EXOC2: variants seen among roughly 807,000 people sequenced by gnomAD.
EXOC2 encodes the protein exocyst complex component 2.
EXOC2 carries 70 observed loss-of-function variants against 131.8 expected under a neutral mutation model. The observed-to-expected ratio is 0.53, with a 90% confidence interval of 0.44 to 0.65. The LOEUF (loss-of-function observed/expected upper bound fraction) is 0.65, where lower values mean the gene tolerates loss of function less well. Among genes scored for constraint, EXOC2 ranks in the 30% least tolerant of loss-of-function variants. The pLI, the probability that EXOC2 is intolerant of heterozygous loss-of-function variation, is 0.00. For missense variants in EXOC2, 923 were observed against 1,108.6 expected (o/e 0.83, Z 2.38); for synonymous variants, 411 against 398.4 (o/e 1.03, Z -0.38).
chr6:518,329 G>T (rs1029101360), intron 23 of EXOC2, among the ~76,000 whole-genome samples: 1 of 152,184 alleles, frequency 6.6e-6, no homozygotes, highest in African/African-American at 2.4e-5. Flanking sequence ...CGGCCAACAG[G>T]TCAACTGGAT....
intron 1 of EXOC2, among the ~76,000 whole-genome samples, chr6:662,069 G>A (rs1187167403): frequency 6.6e-6 from 1 of 152,212 alleles, no homozygotes. Context: ...GGGACATTAT[G>A]TAATGGTAAA....
At chr6:610,271 G>T in intron 6 of EXOC2, 93 bp from the exon 7 acceptor site, 3 of 1,118,496 alleles carry the variant, frequency 2.7e-6, no homozygotes, top group East Asian at 2.5e-5. Flanking sequence ...TTTTAAAATG[G>T]TCATATTATT....
intron 1 of EXOC2, among the ~76,000 whole-genome samples, chr6:657,482 C>T (rs1453469205): frequency 6.6e-6 from 1 of 152,200 alleles, no homozygotes; most frequent in African/African-American, 2.4e-5. Context: ...TTCATGGCTG[C>T]TCACTTTTCC....
At chr6:513,580 A>C (rs1764974724) in intron 23 of EXOC2, among the ~76,000 whole-genome samples, 1 of 152,254 alleles carries the variant, frequency 6.6e-6, no homozygotes, top group Non-Finnish European at 1.5e-5. Context: ...AAACTTGCTA[A>C]AAGTCACATG....
At chr6:495,082 T>TGTTA (rs1338457389) in intron 25 of EXOC2, among the ~76,000 whole-genome samples, 1 of 145,016 alleles carries the variant, frequency 6.9e-6, no homozygotes, top group African/African-American at 2.6e-5. Flanking sequence ...AGAGACAAGG[T>TGTTA]GTTACTATGT....
chr6:605,895 T>C (rs1225696548), intron 7 of EXOC2, among the ~76,000 whole-genome samples: 1 of 152,256 alleles, frequency 6.6e-6, no homozygotes, highest in African/African-American at 2.4e-5. Context: ...GATTCTGGTA[T>C]GTTGTGTCTT....
At chr6:676,634 C>A (rs1295382268) in intron 1 of EXOC2, among the ~76,000 whole-genome samples, 5 of 28,862 alleles carry the variant, frequency 1.7e-4, no homozygotes, top group African/African-American at 4.7e-4. Flanking sequence ...TCTGCGGTTC[C>A]CCATACTCTT....
At position 629,913 on chromosome 6, in the gene EXOC2, T is replaced by A. The variant is rs964368049; in HGVS notation, c.344A>T (p.Asp115Val). The A allele has an allele frequency of 1.9e-6, 3 of 1,613,982 alleles. No homozygotes were observed. The highest frequency in any genetic ancestry group is 2.7e-5 in the African/African-American group (2 of 74,930). The stretch of plus-strand genomic sequence containing the variant: ...TCCTTTGTTCCTGTCAGTGCGCATA[T>A]CATAATAATTCATTTCATCAACCCA... Reference protein sequence around the residue: ...AVWVDEMNYYDMRTDRNKGIP... With the variant: ...AVWVDEMNYYVMRTDRNKGIP... The change falls in exon 4 of 28, where the codon GAT becomes GTT. Residue 115 changes from aspartate to valine, a missense_variant. Physicochemically the swap from Asp to Val is radical, Grantham distance 152 (BLOSUM62 -3). Coordinates refer to ENST00000230449, the MANE Select transcript of EXOC2 (RefSeq NM_018303.6).
At chr6:496,173 T>TG (rs1033064895) in intron 25 of EXOC2, among the ~76,000 whole-genome samples, 3 of 152,218 alleles carry the variant, frequency 2.0e-5, no homozygotes, top group African/African-American at 7.2e-5. Flanking sequence ...TTCCAATACC[T>TG]GGGTCATCTT....
intron 1 of EXOC2, among the ~76,000 whole-genome samples, chr6:639,203 G>A (rs1030772762): frequency 3.3e-5 from 5 of 152,186 alleles, no homozygotes; most frequent in African/African-American, 9.7e-5. Context: ...CTTGGGGGCA[G>A]GCTGACCAGG....
chr6:658,284 G>A (rs1763232875), intron 1 of EXOC2, among the ~76,000 whole-genome samples: 1 of 152,006 alleles, frequency 6.6e-6, no homozygotes, highest in Non-Finnish European at 1.5e-5. Context: ...TTTAATTTCT[G>A]TATTATATTT....
intron 24 of EXOC2, among the ~76,000 whole-genome samples, chr6:498,488 T>C (rs1309772252): frequency 6.6e-6 from 1 of 152,224 alleles, no homozygotes; most frequent in Non-Finnish European, 1.5e-5. Context: ...ATTAAAAATA[T>C]TGCTCCTTAT....
intron 23 of EXOC2, among the ~76,000 whole-genome samples, chr6:512,718 A>G (rs1359353587): frequency 6.6e-6 from 1 of 152,232 alleles, no homozygotes; most frequent in Admixed American, 6.5e-5. Context: ...TTTCTTGGTA[A>G]GAGTGATAAA....
chr6:566,730 C>A (rs117852217), intron 13 of EXOC2, among the ~76,000 whole-genome samples: 1 of 152,126 alleles, frequency 6.6e-6, no homozygotes, highest in Non-Finnish European at 1.5e-5. Flanking sequence ...AGTTTGTTCC[C>A]GTGGCTTCAA....
chr6:566,207 C>G (rs1182564748), intron 13 of EXOC2, among the ~76,000 whole-genome samples: 1 of 152,182 alleles, frequency 6.6e-6, no homozygotes, highest in African/African-American at 2.4e-5. Context: ...CTTTGTACCC[C>G]AGGGTTTAAC....
chr6:493,394 G>T (rs1397908178), intron 25 of EXOC2, among the ~76,000 whole-genome samples: 2 of 152,056 alleles, frequency 1.3e-5, no homozygotes, highest in Non-Finnish European at 2.9e-5. Flanking sequence ...CAGGAAAAAA[G>T]GTAGAACTTT....
In EXOC2 at chr6:564,141, AT is replaced by A. The variant is rs1318604607; in HGVS notation, c.1680del (p.Glu560AspfsTer3). 1 of 1,613,872 alleles carries A rather than the reference AT, an allele frequency of 6.2e-7. No individual in the cohort carries two copies. Among genetic ancestry groups the A allele is most frequent in the Non-Finnish European group, 8.5e-7 (1 of 1,179,964 alleles). On this transcript the variant is annotated frameshift_variant, in exon 16 of 28. Transcript: ENST00000230449. LOFTEE classifies it high-confidence loss of function. ...TTAGGAATTTCAAGGGCAGTCAACG[AT>A]TCATGAGTAAGTCTGCGAACAAACA... ...HAIQTVRLTH[E>X]SLTALEIPND...
intron 25 of EXOC2, among the ~76,000 whole-genome samples, chr6:494,811 T>C (rs900603911): frequency 6.6e-6 from 1 of 152,228 alleles, no homozygotes. Context: ...TGTATGAATA[T>C]ATTAGTTTAT....
At chr6:607,720 G>A (rs1238525548) in intron 7 of EXOC2, among the ~76,000 whole-genome samples, 1 of 152,130 alleles carries the variant, frequency 6.6e-6, no homozygotes, top group Non-Finnish European at 1.5e-5. Context: ...ATTTGAAACA[G>A]GTAAGAACAC....
Sources: gnomAD v4.1 joint callset for allele counts (sites outside exome capture counted in the v4.1 genomes callset) on GRCh38, gnomAD v4.1.1 for gene constraint, MANE v1.5 for transcripts, NCBI Gene and HGNC (gene_info 2026-07-23, HGNC 2026-07-21) for gene names.